The following STAG2 variants were observed in gnomAD, a reference collection of about 807,000 sequenced individuals.
The protein encoded by STAG2 is cohesin subunit SA-2.
STAG2 carries 14 observed loss-of-function variants against 108.1 expected under a neutral mutation model. The observed-to-expected ratio is 0.13, with a 90% CI of 0.09 to 0.20. STAG2 has a LOEUF of 0.20. Among genes scored for constraint, STAG2 ranks in the 10% least tolerant of loss-of-function variants. The probability of loss-of-function intolerance (pLI) is 1.00; values close to 1 mark genes in which losing one functional copy is unlikely to be tolerated. For missense variants in STAG2, 440 were observed against 940.9 expected (o/e 0.47, Z 6.96); for synonymous variants, 307 against 302.7 (o/e 1.01, Z -0.15).
chrX:123,997,000 A>G (rs1379379757), intron 1 of STAG2, among the ~76,000 whole-genome samples: 9 of 112,454 alleles, frequency 8.0e-5, no homozygotes, highest in Admixed American at 1.9e-4. Flanking sequence ...TGAAAAGACT[A>G]TCTTTCTTCA....
chrX:124,007,445 GT>G (rs34408038), intron 1 of STAG2, among the ~76,000 whole-genome samples: 11,123 of 109,101 alleles, frequency 0.1, 589 homozygotes, highest in East Asian at 0.35. Context: ...ACATGATTAG[GT>G]TTTTTTTTCC....
chrX:124,028,919 T>C (rs1485003052), intron 4 of STAG2, among the ~76,000 whole-genome samples: 2 of 102,644 alleles, frequency 1.9e-5, no homozygotes, highest in African/African-American at 7.1e-5. Context: ...TCCGAAAGTA[T>C]TGGAATTACA....
At chrX:123,996,042 AGCACTGTTG>A (rs2055721740) in intron 1 of STAG2, among the ~76,000 whole-genome samples, 1 of 112,443 alleles carries the variant, frequency 8.9e-6, no homozygotes, top group Admixed American at 9.5e-5. Flanking sequence ...AAGTCTTGAC[AGCACTGTTG>A]GTGACTGTAT....
At chrX:124,071,467 C>A in intron 25 of STAG2, 144 bp downstream of exon 25, 2 of 472,603 alleles carry the variant, frequency 4.2e-6, no homozygotes, top group Non-Finnish European at 6.4e-6. Context: ...AATTTATGTT[C>A]ATTTTTTTGT....
intron 1 of STAG2, among the ~76,000 whole-genome samples, chrX:123,988,826 A>G (rs998510495): frequency 1.8e-5 from 2 of 111,351 alleles, no homozygotes; most frequent in African/African-American, 3.3e-5. Flanking sequence ...AAATGGTACT[A>G]TAGTCTTGGT....
At chrX:124,090,530 A>T (rs376367817) in intron 30 of STAG2, 45 bp from the exon 31 acceptor site, 1 of 1,067,892 alleles carries the variant, frequency 9.4e-7, no homozygotes, top group Non-Finnish European at 1.3e-6. Context: ...ACATCTGAAT[A>T]GTCAAAATTA....
Position 124,101,482 on chromosome X carries a change from T to TTA in STAG2, c.*898_*899dup, listed in dbSNP as rs1040669328. On this transcript the variant is annotated 3_prime_UTR_variant, in exon 35 of 35. Coordinates refer to ENST00000371145, the MANE Select transcript of STAG2 (RefSeq NM_001042750.2). ...ATAGGGATCTAAATTTTAAATAAAA[T>TTA]TATATATATATATAAATTGGTGCTG... 23 of 147,833 alleles carry TTA rather than the reference T, an allele frequency of 1.6e-4. No homozygotes were observed. Among genetic ancestry groups the TTA allele is most frequent in the South Asian group, 1.0e-3 (3 of 2,954 alleles). The allele number at this position is 147,833 out of a possible 1,213,427, so 12.2% of individuals were successfully genotyped here.
At chrX:124,078,258 A>G (rs2058850677) in intron 27 of STAG2, among the ~76,000 whole-genome samples, 200 bp downstream of exon 27, 2 of 112,235 alleles carry the variant, frequency 1.8e-5, no homozygotes, top group South Asian at 7.3e-4. Flanking sequence ...GTATGGAGGA[A>G]ATATAGATAT....
At chrX:124,079,458 T>G (rs2058895336) in intron 27 of STAG2, among the ~76,000 whole-genome samples, 1 of 111,039 alleles carries the variant, frequency 9.0e-6, no homozygotes, top group Admixed American at 9.4e-5. Context: ...CTTAATTTTA[T>G]TTGAGAATTT....
At chrX:123,993,823 A>G (rs2055597478) in intron 1 of STAG2, among the ~76,000 whole-genome samples, 1 of 111,660 alleles carries the variant, frequency 9.0e-6, no homozygotes, top group Admixed American at 9.5e-5. Flanking sequence ...CATTTAAACG[A>G]ACATTTTATA....
chrX:124,042,210 T>A (rs1268898873), intron 6 of STAG2, among the ~76,000 whole-genome samples: 1 of 111,217 alleles, frequency 9.0e-6, no homozygotes, highest in South Asian at 3.8e-4. Flanking sequence ...TTAAGTGTTA[T>A]ACTAGATGCT....
At chrX:124,012,165 AT>A (rs952782946) in intron 1 of STAG2, among the ~76,000 whole-genome samples, 1 of 112,150 alleles carries the variant, frequency 8.9e-6, no homozygotes, top group African/African-American at 3.2e-5. Flanking sequence ...GGTGTATAAT[AT>A]TTTAAATGTT....
At chrX:123,976,935 G>C (rs1394773549) in intron 1 of STAG2, among the ~76,000 whole-genome samples, 4 of 112,013 alleles carry the variant, frequency 3.6e-5, no homozygotes, top group African/African-American at 1.3e-4. Context: ...AGAATATAAA[G>C]GATACAAGAA....
At chrX:123,995,044 C>A (rs936602313) in intron 1 of STAG2, among the ~76,000 whole-genome samples, 1 of 111,880 alleles carries the variant, frequency 8.9e-6, no homozygotes, top group Non-Finnish European at 1.9e-5. Context: ...TTTTAGCACA[C>A]TTGGAGACAT....
At chrX:124,050,053 A>G (rs1033068325) in intron 10 of STAG2, 133 bp from the exon 11 acceptor site, 6 of 785,814 alleles carry the variant, frequency 7.6e-6, no homozygotes, top group Non-Finnish European at 1.0e-5. Flanking sequence ...CTTCATTTCT[A>G]TTTTTTAATC....
chrX:124,064,127 G>A, intron 20 of STAG2, 76 bp downstream of exon 20: 1 of 758,159 alleles, frequency 1.3e-6, no homozygotes, highest in Non-Finnish European at 1.9e-6. Context: ...TCACCCAAGT[G>A]TTAAGTCTTG....
At chrX:124,015,908 C>G (rs1334740583) in intron 1 of STAG2, among the ~76,000 whole-genome samples, 3 of 111,176 alleles carry the variant, frequency 2.7e-5, no homozygotes, top group South Asian at 3.8e-4. Context: ...TATGCTGTCT[C>G]CTGAGAAAGT....
intron 1 of STAG2, among the ~76,000 whole-genome samples, chrX:123,965,663 A>T (rs928977982): frequency 8.9e-6 from 1 of 111,782 alleles, no homozygotes; most frequent in Non-Finnish European, 1.9e-5. Context: ...TAGATGGCAG[A>T]CTTCAGTTTT....
At chrX:124,080,599 A>G (rs1410313380) in intron 27 of STAG2, among the ~76,000 whole-genome samples, 1 of 110,109 alleles carries the variant, frequency 9.1e-6, no homozygotes, top group Non-Finnish European at 1.9e-5. Context: ...GAGGCAGGAG[A>G]ATGGCGTGAA....
Sources: allele counts gnomAD v4.1 joint callset (sites outside exome capture counted in the v4.1 genomes callset), GRCh38; gene constraint gnomAD v4.1.1; transcripts MANE v1.5; gene names NCBI Gene and HGNC (gene_info 2026-07-23, HGNC 2026-07-21).